OR51M1: variants seen among roughly 807,000 people sequenced by gnomAD.
OR51M1 encodes olfactory receptor 51M1.
For missense variants in OR51M1, 509 were observed against 404.4 expected, an observed-to-expected ratio of 1.26 and a Z score of -2.22; for synonymous variants, 199 against 155.1, an observed-to-expected ratio of 1.28 and a Z score of -2.10.
In OR51M1 at chr11:5,392,163, G is replaced by A. The variant is rs927247213; in HGVS notation, c.*1784G>A. 2.0e-5 allele frequency: 3 copies of A among 152,220 alleles called. No homozygotes were observed. Among genetic ancestry groups the A allele is most frequent in the South Asian group, 4.1e-4 (2 of 4,824 alleles). The allele number at this position is 152,220 out of a possible 1,614,324, so 9.4% of individuals were successfully genotyped here. On this transcript the variant is annotated 3_prime_UTR_variant, in exon 3 of 3. Coordinates refer to ENST00000642046, the MANE Select transcript of OR51M1 (RefSeq NM_001004756.3). Reference sequence around the variant, plus strand: ...TTTGTGCGGTTTCTTGTGTATGTTTGTGTGGTATCTCATGTTTGTATGTGT... The same window carrying A: ...TTTGTGCGGTTTCTTGTGTATGTTTATGTGGTATCTCATGTTTGTATGTGT...
rs1279330288 is a variant in OR51M1 at position 5,392,186 on chromosome 11, T to C, written c.*1807T>C. The C allele has an allele frequency of 6.6e-6, 1 of 152,276 alleles. No individual in the cohort carries two copies. The highest frequency in any genetic ancestry group is 1.9e-4 in the East Asian group (1 of 5,204). The allele number at this position is 152,276 out of a possible 1,614,324, so 9.4% of individuals were successfully genotyped here. On this transcript the variant is annotated 3_prime_UTR_variant, in exon 3 of 3. Coordinates refer to ENST00000642046, the MANE Select transcript of OR51M1 (RefSeq NM_001004756.3). ...TTGTGTGGTATCTCATGTTTGTATG[T>C]GTGGGTGTTATCAGACTCTCAGGCT...
chr11:5,384,485 G>A (rs189384559), intron 1 of OR51M1, among the ~76,000 whole-genome samples: 1,651 of 152,248 alleles, frequency 0.011, 15 homozygotes, highest in South Asian at 0.018. Context: ...GAAAAGAGGC[G>A]AGCTCATCTG....
At chr11:5,384,425 C>T (rs1036950947) in intron 1 of OR51M1, among the ~76,000 whole-genome samples, 1 of 152,168 alleles carries the variant, frequency 6.6e-6, no homozygotes, top group Non-Finnish European at 1.5e-5. Context: ...AGAGTCTATG[C>T]ACAGAACCAG....
intron 2 of OR51M1, among the ~76,000 whole-genome samples, chr11:5,388,701 C>CTTGT (rs1849741479): frequency 6.6e-6 from 1 of 151,386 alleles, no homozygotes; most frequent in South Asian, 2.1e-4. Context: ...TCATTAAAAA[C>CTTGT]TTGTTTATGT....
intron 2 of OR51M1, 112 bp from the exon 3 acceptor site, chr11:5,389,272 A>C: frequency 4.5e-6 from 4 of 898,740 alleles, no homozygotes; most frequent in Non-Finnish European, 5.2e-6. Flanking sequence ...CAGAATTCAT[A>C]AGGGTGGAGT....
rs145646058 is a variant in OR51M1, at chr11:5,391,997, A to C, written c.*1618A>C. On this transcript the variant is annotated 3_prime_UTR_variant, in exon 3 of 3. Coordinates refer to ENST00000642046, the MANE Select transcript of OR51M1 (RefSeq NM_001004756.3). ...GGTGGGAAGAATGCTTGAGCCCAGGAGGTTGAGGCTGCAGTGAGCCATAAT... is the reference window on the plus strand; with the variant it reads ...GGTGGGAAGAATGCTTGAGCCCAGGCGGTTGAGGCTGCAGTGAGCCATAAT... 0.015 allele frequency: 2,302 copies of C among 152,302 alleles called. 22 individuals are homozygous for C. The highest frequency in any genetic ancestry group is 0.051 in the Middle Eastern group (15 of 294). The allele number at this position is 152,302 out of a possible 1,614,324, so 9.4% of individuals were successfully genotyped here.
rs1849759118 is a variant in OR51M1, at chr11:5,389,619, T to G, written c.221T>G (p.Leu74Arg). 1 of 1,613,712 alleles carries G rather than the reference T, an allele frequency of 6.2e-7. No homozygotes were observed. Among genetic ancestry groups the G allele is most frequent in the South Asian group, 1.1e-5 (1 of 91,092 alleles). ...NPRLHTPMYY[L>R]LSLLALTDLG... Reference sequence around the variant, plus strand: ...CGTCTGCACACACCCATGTACTATCTACTATCCTTGCTGGCCCTCACTGAC... The same window carrying G: ...CGTCTGCACACACCCATGTACTATCGACTATCCTTGCTGGCCCTCACTGAC... The change falls in exon 3 of 3, where the codon CTA (leucine) becomes CGA (arginine). Residue 74 changes from leucine (L) to arginine (R), a missense_variant. By Grantham distance (102) the Leu-to-Arg change is moderately radical. Coordinates refer to ENST00000642046, the MANE Select transcript of OR51M1 (RefSeq NM_001004756.3).
At position 5,392,131 on chromosome 11, in the gene OR51M1, ATGTATGTTTGTGCGGTTTCTTG is replaced by A. The variant is rs1394786406; in HGVS notation, c.*1765_*1786del. The stretch of plus-strand genomic sequence containing the variant: ...AAAGAACCAAACTCTAAAAATATGT[ATGTATGTTTGTGCGGTTTCTTG>A]TGTATGTTTGTGTGGTATCTCATGT... On this transcript the variant is annotated 3_prime_UTR_variant, in exon 3 of 3. Coordinates refer to ENST00000642046, the MANE Select transcript of OR51M1 (RefSeq NM_001004756.3). 1 of 152,128 alleles carries A rather than the reference ATGTATGTTTGTGCGGTTTCTTG, an allele frequency of 6.6e-6. No individual in the cohort carries two copies. Among genetic ancestry groups the A allele is most frequent in the Non-Finnish European group, 1.5e-5 (1 of 68,012 alleles). The allele number at this position is 152,128 out of a possible 1,614,324, so 9.4% of individuals were successfully genotyped here.
chr11:5,390,238 C>T lies in OR51M1; in HGVS notation c.840C>T (p.Ala280=), dbSNP rs1767530322. 1.2e-6 allele frequency: 2 copies of T among 1,613,884 alleles called. No homozygotes were observed. Among genetic ancestry groups the T allele is most frequent in the African/African-American group, 2.7e-5 (2 of 74,930 alleles). Residue 280 remains alanine (A), a synonymous_variant, in exon 3 of 3, where the codon GCC becomes GCT. Coordinates refer to ENST00000642046, the MANE Select transcript of OR51M1 (RefSeq NM_001004756.3). The stretch of plus-strand genomic sequence containing the variant: ...TGGTGCACCGTTTTGGGAAGCATGC[C>T]CCACCTGCTATTCATCTTCTTATGG... ...LSLVHRFGKH[A]PPAIHLLMAN...
intron 2 of OR51M1, among the ~76,000 whole-genome samples, chr11:5,385,663 AAAG>A (rs1288285010): frequency 2.0e-5 from 3 of 151,012 alleles, no homozygotes; most frequent in Admixed American, 6.6e-5. Flanking sequence ...CATGTATAAT[AAAG>A]AATACGTATA....
At position 5,390,155 on chromosome 11, in the gene OR51M1, T is replaced by C; in HGVS notation, c.757T>C (p.Cys253Arg). 1.2e-6 allele frequency: 2 copies of C among 1,613,870 alleles called. No individual in the cohort carries two copies. Among genetic ancestry groups the C allele is most frequent in the Non-Finnish European group, 1.7e-6 (2 of 1,179,812 alleles). Residue 253 changes from cysteine (C) to arginine (R), a missense_variant, in exon 3 of 3, where the codon TGC becomes CGC. Coordinates refer to ENST00000642046, the MANE Select transcript of OR51M1 (RefSeq NM_001004756.3). Reference sequence around the variant, plus strand: ...GGAGCAGCGCCGTGCCTTTCAGACATGCACCGCTCCTCTCTGTGCTGTGCT... The same window carrying C: ...GGAGCAGCGCCGTGCCTTTCAGACACGCACCGCTCCTCTCTGTGCTGTGCT... ...QEEQRRAFQT[C>R]TAPLCAVLVF...
At chr11:5,389,249 G>C in intron 2 of OR51M1, 135 bp from the exon 3 acceptor site, 5 of 775,654 alleles carry the variant, frequency 6.4e-6, no homozygotes, top group Admixed American at 4.9e-5. Context: ...GTTCAATAAA[G>C]TAGTGAGATT....
At chr11:5,387,112 G>A (rs1315334617) in intron 2 of OR51M1, among the ~76,000 whole-genome samples, 1 of 151,936 alleles carries the variant, frequency 6.6e-6, no homozygotes, top group African/African-American at 2.4e-5. Flanking sequence ...GAGAAGTTAA[G>A]GTGTTCAAGG....
In OR51M1 at chr11:5,392,278, C is replaced by T. The variant is rs1433474913; in HGVS notation, c.*1899C>T. ...GGCTGGCACTCCTTAAACATAGGTT[C>T]CATTCTAAACTTTAATTTACATCCA... On this transcript the variant is annotated 3_prime_UTR_variant, in exon 3 of 3. Coordinates refer to ENST00000642046, the MANE Select transcript of OR51M1 (RefSeq NM_001004756.3). 6.6e-6 allele frequency: 1 copy of T among 152,140 alleles called. No individual in the cohort carries two copies. The highest frequency in any genetic ancestry group is 2.4e-5 in the African/African-American group (1 of 41,434). The allele number at this position is 152,140 out of a possible 1,614,324, so 9.4% of individuals were successfully genotyped here.
intron 2 of OR51M1, among the ~76,000 whole-genome samples, chr11:5,388,734 T>C (rs1287796263): frequency 2.0e-5 from 3 of 152,018 alleles, no homozygotes; most frequent in Non-Finnish European, 4.4e-5. Context: ...TGCTATATAG[T>C]AGTCAACTGA....
intron 2 of OR51M1, among the ~76,000 whole-genome samples, chr11:5,387,948 A>G (rs1409996344): frequency 6.6e-6 from 1 of 152,032 alleles, no homozygotes; most frequent in African/African-American, 2.4e-5. Flanking sequence ...TGTTCATTGT[A>G]TTTTCAGTAC....
chr11:5,387,075 A>G (rs1419172099), intron 2 of OR51M1, among the ~76,000 whole-genome samples: 14 of 152,096 alleles, frequency 9.2e-5, no homozygotes, highest in Admixed American at 5.9e-4. Flanking sequence ...TGTATAAGTA[A>G]TAATAATAAT....
intron 1 of OR51M1, among the ~76,000 whole-genome samples, chr11:5,384,476 A>G (rs1311904523): frequency 6.6e-6 from 1 of 152,196 alleles, no homozygotes; most frequent in East Asian, 1.9e-4. Flanking sequence ...CTCTTGCTGG[A>G]AAAGAGGCGA....
At chr11:5,384,893 T>C (rs4910780) in intron 1 of OR51M1, among the ~76,000 whole-genome samples, 21,972 of 152,168 alleles carry the variant, frequency 0.14, 1,885 homozygotes, top group Non-Finnish European at 0.19. Flanking sequence ...ACTGTGGAAA[T>C]GTTCTCTAGG....
Sources: allele counts gnomAD v4.1 joint callset (sites outside exome capture counted in the v4.1 genomes callset), GRCh38; gene constraint gnomAD v4.1.1; transcripts MANE v1.5; gene names NCBI Gene and HGNC (gene_info 2026-07-23, HGNC 2026-07-21).